Variants in RAD51B observed in about 807,000 individuals in gnomAD.
The protein encoded by RAD51B is DNA repair protein RAD51 homolog 2.
Under a neutral mutation model 42.2 loss-of-function variants are expected in RAD51B, and 38 were observed. The observed-to-expected ratio is 0.90, with a 90% CI of 0.70 to 1.18. The LOEUF is 1.18. Among genes scored for constraint, RAD51B ranks in the 50% most tolerant of loss-of-function variants. The probability of loss-of-function intolerance (pLI) is 0.00; values close to 1 mark genes in which losing one functional copy is unlikely to be tolerated. For synonymous variants in RAD51B, 154 were observed against 145.2 expected (o/e 1.06, Z -0.43); for missense variants, 373 against 400.7 (o/e 0.93, Z 0.59).
At chr14:68,194,611 G>A (rs2079332538) in intron 7 of RAD51B, among the ~76,000 whole-genome samples, 1 of 152,142 alleles carries the variant, frequency 6.6e-6, no homozygotes, top group African/African-American at 2.4e-5. Context: ...TTTAAATAGA[G>A]AATTATATCT....
intron 7 of RAD51B, among the ~76,000 whole-genome samples, chr14:68,237,698 GCAGTGTTTTA>G (rs972737874): frequency 2.0e-5 from 3 of 149,546 alleles, no homozygotes; most frequent in African/African-American, 4.9e-5. Flanking sequence ...ACATTTACAT[GCAGTGTTTTA>G]CATGGACATG....
intron 7 of RAD51B, among the ~76,000 whole-genome samples, chr14:68,234,558 G>A (rs561972766): frequency 1.3e-5 from 2 of 152,290 alleles, no homozygotes; most frequent in South Asian, 4.1e-4. Context: ...CAAACCTGTA[G>A]AGCATGTTAT....
At chr14:68,028,707 G>T (rs1442003759) in intron 7 of RAD51B, among the ~76,000 whole-genome samples, 1 of 152,214 alleles carries the variant, frequency 6.6e-6, no homozygotes, top group East Asian at 1.9e-4. Flanking sequence ...CTGCACACAT[G>T]CTCTTGCAGT....
At chr14:68,472,513 G>A (rs867354518) in intron 10 of RAD51B, among the ~76,000 whole-genome samples, 4 of 152,160 alleles carry the variant, frequency 2.6e-5, no homozygotes, top group African/African-American at 4.8e-5. Flanking sequence ...CAGCCTCCCC[G>A]TTACTCCTTT....
intron 10 of RAD51B, among the ~76,000 whole-genome samples, chr14:68,469,587 G>A (rs1164694601): frequency 1.3e-5 from 2 of 152,178 alleles, no homozygotes; most frequent in African/African-American, 4.8e-5. Flanking sequence ...ACCAGATTAA[G>A]CAAAGCAAAC....
At chr14:67,842,435 G>A (rs1243624243) in intron 4 of RAD51B, among the ~76,000 whole-genome samples, 1 of 152,130 alleles carries the variant, frequency 6.6e-6, no homozygotes, top group Non-Finnish European at 1.5e-5. Context: ...CTGGAGTGCA[G>A]TGGCACAATC....
intron 7 of RAD51B, among the ~76,000 whole-genome samples, chr14:68,121,512 C>T (rs541166854): frequency 6.6e-6 from 1 of 152,032 alleles, no homozygotes; most frequent in African/African-American, 2.4e-5. Flanking sequence ...CTCTTGCTAA[C>T]CTAAAAACGA....
At chr14:67,950,828 G>T (rs529123217) in intron 7 of RAD51B, among the ~76,000 whole-genome samples, 15 of 151,870 alleles carry the variant, frequency 9.9e-5, no homozygotes, top group African/African-American at 3.4e-4. Context: ...TTTGTCTAAC[G>T]TGATTCAGAG....
intron 10 of RAD51B, among the ~76,000 whole-genome samples, chr14:68,548,541 C>T (rs1482797655): frequency 2.0e-5 from 3 of 152,236 alleles, no homozygotes; most frequent in Non-Finnish European, 2.9e-5. Flanking sequence ...CCTCTGTGCA[C>T]GCCTCTTCTC....
At chr14:68,556,242 C>A (rs1358831248) in intron 10 of RAD51B, among the ~76,000 whole-genome samples, 1 of 152,196 alleles carries the variant, frequency 6.6e-6, no homozygotes, top group African/African-American at 2.4e-5. Context: ...AGACCTCAAA[C>A]GTGAAAACCC....
chr14:68,647,736 T>A (rs1892590238), intron 10 of RAD51B, among the ~76,000 whole-genome samples: 1 of 152,160 alleles, frequency 6.6e-6, no homozygotes, highest in South Asian at 2.1e-4. Context: ...TGGAGTGCAA[T>A]GGTGCAATCT....
At position 68,496,086 on chromosome 14, in the gene RAD51B, C is replaced by T. The variant is rs138953737; in HGVS notation, c.1036+27836C>T. On this transcript the variant is annotated intron_variant, in intron 10 of 10. Coordinates refer to the RAD51B transcript ENST00000487270. ...CCAGCAGTAACCACTCAGTCATTGA[C>T]AAACAGTGTGTCAAACATGCACAAA... Among the ~76,000 whole-genome samples the T allele has an allele frequency of 7.2e-3, 1,102 of 152,306 alleles. 11 individuals carry two copies. Among genetic ancestry groups the T allele is most frequent in the African/African-American group, 0.025 (1,026 of 41,570 alleles).
At chr14:68,321,774 AG>A (rs1356815686) in intron 8 of RAD51B, among the ~76,000 whole-genome samples, 1 of 152,108 alleles carries the variant, frequency 6.6e-6, no homozygotes, top group Non-Finnish European at 1.5e-5. Flanking sequence ...TTTTTGAGAC[AG>A]GGTCTTGCTC....
chr14:68,162,677 C>T (rs1407921718), intron 7 of RAD51B, among the ~76,000 whole-genome samples: 3 of 151,910 alleles, frequency 2.0e-5, no homozygotes, highest in Non-Finnish European at 4.4e-5. Context: ...CCCAGCTACT[C>T]GGGAGGCTGA....
chr14:67,944,879 A>G (rs2045337070), intron 7 of RAD51B, among the ~76,000 whole-genome samples: 1 of 152,196 alleles, frequency 6.6e-6, no homozygotes, highest in African/African-American at 2.4e-5. Context: ...TACCCCACAG[A>G]CATTTTTTGA....
At chr14:68,683,059 A>AT in intron 11 of RAD51B, 1 of 679,044 alleles carries the variant, frequency 1.5e-6, no homozygotes, top group Non-Finnish European at 1.8e-6. Flanking sequence ...TATGCCTGTT[A>AT]TTTTTTTCTG....
chr14:68,593,108 C>T (rs1011889879), intron 10 of RAD51B, among the ~76,000 whole-genome samples: 2 of 152,176 alleles, frequency 1.3e-5, no homozygotes, highest in African/African-American at 4.8e-5. Flanking sequence ...CAAGGGCTGG[C>T]GGAACTGGAA....
intron 8 of RAD51B, among the ~76,000 whole-genome samples, chr14:68,294,313 A>G (rs1830646224): frequency 6.6e-6 from 1 of 152,076 alleles, no homozygotes; most frequent in African/African-American, 2.4e-5. Flanking sequence ...TTTTTTGTAT[A>G]GCTGAGCAGA....
chr14:68,209,278 C>T (rs955252732), intron 7 of RAD51B, among the ~76,000 whole-genome samples: 1 of 152,146 alleles, frequency 6.6e-6, no homozygotes, highest in African/African-American at 2.4e-5. Context: ...ATTTATAGAA[C>T]TCTCTGTGAG....
Sources: allele counts gnomAD v4.1 joint callset (sites outside exome capture counted in the v4.1 genomes callset), GRCh38; gene constraint gnomAD v4.1.1; transcripts MANE v1.5; gene names NCBI Gene and HGNC (gene_info 2026-07-23, HGNC 2026-07-21).